The following SNX29 variants were observed in gnomAD, a reference collection of about 807,000 sequenced individuals.
SNX29 encodes sorting nexin 29, also known as sorting nexin-29.
SNX29 carries 78 observed loss-of-function variants against 102.1 expected under a neutral mutation model. The ratio of observed to expected loss-of-function variants is 0.76; its 90% CI spans 0.64 to 0.92. The LOEUF is 0.92. SNX29 is among the 40% of genes least tolerant of loss of function. The pLI, the probability that SNX29 is intolerant of heterozygous loss-of-function variation, is 0.00. For synonymous variants in SNX29, 580 were observed against 414.5 expected (o/e 1.40, Z -4.85); for missense variants, 1,280 against 1,061.7 (o/e 1.21, Z -2.86).
chr16:12,134,422 T>A (rs778494906), intron 13 of SNX29, among the ~76,000 whole-genome samples: 4 of 152,204 alleles, frequency 2.6e-5, no homozygotes. Context: ...CCAGAGTTGC[T>A]GTCATCTGAA....
Position 12,061,589 on chromosome 16 carries a change from C to T in SNX29, c.1186C>T (p.His396Tyr), listed in dbSNP as rs1382291887. The T allele has an allele frequency of 2.5e-6, 4 of 1,611,950 alleles. No individual in the cohort carries two copies. The Admixed American group carries it at 5.0e-5, about 20-fold the overall frequency. Residue 396 changes from histidine (H) to tyrosine (Y), a missense_variant, in exon 9 of 21, where the codon CAC (histidine) becomes TAC (tyrosine). Coordinates refer to ENST00000566228, the MANE Select transcript of SNX29 (RefSeq NM_032167.5). Reference protein sequence around the residue: ...MHSWAPLKVLHNDSDILFPVS... With the variant: ...MHSWAPLKVLYNDSDILFPVS... Reference sequence around the variant, plus strand: ...CAGCTGGGCTCCGCTGAAGGTGCTGCACAATGACTCCGACATCCTCTTCCC... The same window carrying T: ...CAGCTGGGCTCCGCTGAAGGTGCTGTACAATGACTCCGACATCCTCTTCCC...
chr16:12,507,021 T>G (rs1475604075), intron 19 of SNX29, among the ~76,000 whole-genome samples: 1 of 152,226 alleles, frequency 6.6e-6, no homozygotes, highest in Non-Finnish European at 1.5e-5. Context: ...GTACTGAACC[T>G]GTAGATTATT....
At chr16:12,422,431 G>C (rs566327663) in intron 18 of SNX29, among the ~76,000 whole-genome samples, 1 of 152,134 alleles carries the variant, frequency 6.6e-6, no homozygotes, top group South Asian at 2.1e-4. Context: ...GGGCAGACTT[G>C]GTAACATAAC....
intron 14 of SNX29, among the ~76,000 whole-genome samples, chr16:12,204,687 A>G (rs935719432): frequency 1.3e-5 from 2 of 152,210 alleles, no homozygotes; most frequent in Non-Finnish European, 2.9e-5. Context: ...CTTGGGAGCA[A>G]TTTAAAAAGT....
chr16:12,354,594 G>T (rs1278777824), intron 15 of SNX29, among the ~76,000 whole-genome samples: 4 of 152,202 alleles, frequency 2.6e-5, no homozygotes, highest in African/African-American at 9.7e-5. Context: ...CACATTTTGT[G>T]GGGGCACATT....
intron 19 of SNX29, among the ~76,000 whole-genome samples, chr16:12,496,507 C>CTTTTTTTTTT (rs537441350): frequency 8.7e-6 from 1 of 115,198 alleles, no homozygotes; most frequent in African/African-American, 3.8e-5. Context: ...GCTCTCATGG[C>CTTTTTTTTTT]TTTTTTTTTT....
At chr16:12,118,465 GCC>G (rs2053833312) in intron 11 of SNX29, among the ~76,000 whole-genome samples, 1 of 151,612 alleles carries the variant, frequency 6.6e-6, no homozygotes, top group Non-Finnish European at 1.5e-5. Context: ...GATTACAGGT[GCC>G]TGCCACCATG....
At chr16:12,559,169 G>A (rs1280322510) in intron 20 of SNX29, among the ~76,000 whole-genome samples, 1 of 152,114 alleles carries the variant, frequency 6.6e-6, no homozygotes, top group African/African-American at 2.4e-5. Context: ...CCAGTCCATA[G>A]CCTGTTAGGT....
Position 12,315,507 on chromosome 16 carries a change from T to A in SNX29, c.1782+37471T>A, listed in dbSNP as rs555950394. On this transcript the variant is annotated intron_variant, in intron 15 of 20. Coordinates refer to ENST00000566228, the MANE Select transcript of SNX29 (RefSeq NM_032167.5). ...TTGAATCCCTAACCCCCAGTGTGAA[T>A]GTATATGGAGATAGGGCCATTAAGG... Among the ~76,000 whole-genome samples, 5 of 152,238 alleles carry A rather than the reference T, an allele frequency of 3.3e-5. No individual in the cohort carries two copies. The South Asian group carries it at 1.0e-3, about 32-fold the overall frequency.
At chr16:12,562,527 A>AT (rs1487577461) in intron 20 of SNX29, among the ~76,000 whole-genome samples, 1 of 152,182 alleles carries the variant, frequency 6.6e-6, no homozygotes, top group African/African-American at 2.4e-5. Context: ...CTGCTGGTGA[A>AT]TGACACAGCC....
chr16:11,999,422 C>G, intron 2 of SNX29, 64 bp downstream of exon 2: 1 of 1,510,362 alleles, frequency 6.6e-7, no homozygotes, highest in Non-Finnish European at 9.2e-7. Flanking sequence ...TAATGTAGGT[C>G]ATTTCTTCCC....
At chr16:12,426,721 A>C (rs1003185730) in intron 18 of SNX29, among the ~76,000 whole-genome samples, 1 of 152,226 alleles carries the variant, frequency 6.6e-6, no homozygotes, top group African/African-American at 2.4e-5. Context: ...GCTGGAGTGC[A>C]GTGGCGCGAT....
At chr16:12,124,802 G>A (rs2054134238) in intron 11 of SNX29, among the ~76,000 whole-genome samples, 1 of 152,142 alleles carries the variant, frequency 6.6e-6, no homozygotes, top group South Asian at 2.1e-4. Context: ...CTCTTGCCTG[G>A]TTTTGTGGTT....
chr16:12,320,565 G>T (rs1232636149), intron 15 of SNX29, among the ~76,000 whole-genome samples: 1 of 152,200 alleles, frequency 6.6e-6, no homozygotes, highest in Non-Finnish European at 1.5e-5. Context: ...GATTAACCAT[G>T]TGTGTGTTTG....
intron 20 of SNX29, among the ~76,000 whole-genome samples, chr16:12,566,310 A>G (rs2079004763): frequency 6.6e-6 from 1 of 152,106 alleles, no homozygotes; most frequent in Non-Finnish European, 1.5e-5. Context: ...CCTCCAAGCT[A>G]TGTCCTCTCC....
chr16:12,058,980 A>G (rs916996283), intron 8 of SNX29, among the ~76,000 whole-genome samples: 5 of 151,006 alleles, frequency 3.3e-5, no homozygotes, highest in African/African-American at 4.9e-5. Flanking sequence ...TTTTGTAGAG[A>G]CAGGGCTCGA....
chr16:12,244,381 G>A (rs2078200666), intron 14 of SNX29, among the ~76,000 whole-genome samples: 1 of 152,158 alleles, frequency 6.6e-6, no homozygotes, highest in African/African-American at 2.4e-5. Context: ...AGCTGAGATG[G>A]GAAGATCACT....
intron 15 of SNX29, among the ~76,000 whole-genome samples, chr16:12,331,433 T>C (rs2081289255): frequency 6.6e-6 from 1 of 152,192 alleles, no homozygotes; most frequent in Non-Finnish European, 1.5e-5. Context: ...AGCGTACGTA[T>C]AGGTGCTGAG....
intron 10 of SNX29, 77 bp from the exon 11 acceptor site, chr16:12,078,754 CCT>C: frequency 1.6e-6 from 2 of 1,254,322 alleles, no homozygotes; most frequent in Middle Eastern, 1.8e-4. Context: ...AGTAAACCGA[CCT>C]CTGCTAGTTT....
Sources: gnomAD v4.1 joint callset for allele counts (sites outside exome capture counted in the v4.1 genomes callset) on GRCh38, gnomAD v4.1.1 for gene constraint, MANE v1.5 for transcripts, NCBI Gene and HGNC (gene_info 2026-07-23, HGNC 2026-07-21) for gene names.